The following CNOT6 variants were observed in gnomAD, a reference collection of about 807,000 sequenced individuals.
The protein encoded by CNOT6 is CCR4-NOT transcription complex subunit 6.
In CNOT6, 12 loss-of-function variants were observed where a neutral mutation model predicts 61.2. The ratio of observed to expected loss-of-function variants is 0.20; its 90% CI spans 0.13 to 0.32. The LOEUF is 0.32. CNOT6 is among the 10% of genes least tolerant of loss of function. The probability of loss-of-function intolerance (pLI) is 1.00; values close to 1 mark genes in which losing one functional copy is unlikely to be tolerated. For missense variants in CNOT6, 405 were observed against 663.9 expected (o/e 0.61, Z 4.28); for synonymous variants, 225 against 240.6 (o/e 0.94, Z 0.60).
chr5:180,547,097 G>C lies in CNOT6; in HGVS notation c.113-2834G>C, dbSNP rs149815204. ...ACTATTTCATGTCATTGTTCAGAAA[G>C]TTGCAGGTTTTGGAGCATTTTGGAT... is the stretch of plus-strand genomic sequence containing the variant. On this transcript the variant is annotated intron_variant, in intron 2 of 11. Coordinates refer to ENST00000261951, the MANE Select transcript of CNOT6 (RefSeq NM_001370472.1). Among the ~76,000 whole-genome samples the C allele has an allele frequency of 5.4e-3, 822 of 152,306 alleles. 11 individuals carry two copies. The highest frequency in any genetic ancestry group is 0.019 in the African/African-American group (782 of 41,576).
chr5:180,545,196 A>G (rs1376569777), intron 2 of CNOT6, among the ~76,000 whole-genome samples: 2 of 152,200 alleles, frequency 1.3e-5, no homozygotes, highest in East Asian at 1.9e-4. Context: ...TGGCGTGTAT[A>G]AAGTGAATAA....
At chr5:180,518,121 T>C (rs1757729705) in intron 1 of CNOT6, among the ~76,000 whole-genome samples, 1 of 152,242 alleles carries the variant, frequency 6.6e-6, no homozygotes, top group Non-Finnish European at 1.5e-5. Flanking sequence ...GGCTTGATTT[T>C]TTGAGGTTCT....
chr5:180,561,448 CTTGG>C (rs1000261807), intron 4 of CNOT6, among the ~76,000 whole-genome samples: 1 of 148,324 alleles, frequency 6.7e-6, no homozygotes, highest in African/African-American at 2.5e-5. Flanking sequence ...ATTCCTTTGT[CTTGG>C]TTGGGTAATT....
intron 1 of CNOT6, among the ~76,000 whole-genome samples, chr5:180,503,273 T>C (rs1756964494): frequency 6.6e-6 from 1 of 151,474 alleles, no homozygotes; most frequent in South Asian, 2.1e-4. Flanking sequence ...TTTTTTTTTT[T>C]TTTTTTGAGA....
intron 4 of CNOT6, among the ~76,000 whole-genome samples, chr5:180,557,482 C>A (rs1266581524): frequency 1.3e-5 from 2 of 152,134 alleles, no homozygotes; most frequent in Non-Finnish European, 2.9e-5. Context: ...ATAAAGATAC[C>A]CAACATCTTT....
intron 11 of CNOT6, among the ~76,000 whole-genome samples, chr5:180,573,595 GTGTGTGTCCGTC>G (rs1760869119): frequency 5.6e-5 from 1 of 17,992 alleles, no homozygotes; most frequent in African/African-American, 1.4e-4. Context: ...GTGTGTGTGT[GTGTGTGTCCGTC>G]CGTCCGTCCG....
intron 1 of CNOT6, among the ~76,000 whole-genome samples, chr5:180,508,821 A>T (rs1371081025): frequency 4.0e-5 from 5 of 125,450 alleles, no homozygotes; most frequent in Non-Finnish European, 7.0e-5. Flanking sequence ...AATTAATTTT[A>T]TTATTATTAT....
At chr5:180,539,068 G>A (rs1205013719) in intron 2 of CNOT6, among the ~76,000 whole-genome samples, 2 of 149,824 alleles carry the variant, frequency 1.3e-5, no homozygotes, top group East Asian at 2.0e-4. Flanking sequence ...CCTGCTGCTC[G>A]GGAGGCTGAG....
chr5:180,541,666 A>G (rs1337267296), intron 2 of CNOT6, among the ~76,000 whole-genome samples: 1 of 142,206 alleles, frequency 7.0e-6, no homozygotes, highest in African/African-American at 2.6e-5. Flanking sequence ...GTTAGCCAGG[A>G]TGGTCTCGAT....
intron 3 of CNOT6, among the ~76,000 whole-genome samples, chr5:180,551,040 G>A (rs1465910201): frequency 6.6e-6 from 1 of 152,126 alleles, no homozygotes; most frequent in African/African-American, 2.4e-5. Flanking sequence ...CATATACTGT[G>A]TTTTAAGAAA....
intron 4 of CNOT6, among the ~76,000 whole-genome samples, chr5:180,560,919 TTGGTGG>T (rs528330419): frequency 1.3e-5 from 2 of 150,622 alleles, no homozygotes; most frequent in African/African-American, 4.9e-5. Context: ...TTTGTTGTTG[TTGGTGG>T]TGGTGGTGGT....
chr5:180,567,365 A>G (rs1367925104), intron 8 of CNOT6, 123 bp downstream of exon 8: 2 of 834,246 alleles, frequency 2.4e-6, no homozygotes, highest in African/African-American at 1.7e-5. Context: ...AGCAAAGAAT[A>G]CTGTTTGACC....
At chr5:180,543,077 G>T (rs1363404687) in intron 2 of CNOT6, among the ~76,000 whole-genome samples, 1 of 151,306 alleles carries the variant, frequency 6.6e-6, no homozygotes, top group Admixed American at 6.6e-5. Context: ...ATTTATTTTT[G>T]AGACGGAGTC....
chr5:180,495,291 T>A (rs1756555274), intron 1 of CNOT6: 1 of 152,258 alleles, frequency 6.6e-6, no homozygotes, highest in Admixed American at 6.5e-5. Context: ...GGATTACAGG[T>A]TAAAGAAGCA....
intron 1 of CNOT6, among the ~76,000 whole-genome samples, chr5:180,519,424 C>A (rs771272588): frequency 6.6e-6 from 1 of 152,140 alleles, no homozygotes; most frequent in Non-Finnish European, 1.5e-5. Context: ...ATAATGAGTA[C>A]TTATTTAGCA....
intron 1 of CNOT6, among the ~76,000 whole-genome samples, chr5:180,501,216 C>T (rs1756854463): frequency 6.6e-6 from 1 of 152,066 alleles, no homozygotes; most frequent in African/African-American, 2.4e-5. Flanking sequence ...AGTTAGAGTT[C>T]ATTTACGTCC....
chr5:180,573,881 T>TTGTTC (rs75547514), intron 11 of CNOT6, 107 bp from the exon 12 acceptor site: 4 of 756,130 alleles, frequency 5.3e-6, no homozygotes, highest in Non-Finnish European at 9.1e-6. Flanking sequence ...TAAGTTTCAC[T>TTGTTC]TGTTCTGTTC....
At chr5:180,552,428 T>G (rs1205434284) in intron 3 of CNOT6, among the ~76,000 whole-genome samples, 1 of 151,368 alleles carries the variant, frequency 6.6e-6, no homozygotes, top group African/African-American at 2.4e-5. Flanking sequence ...GATCACAAAG[T>G]CTGGAGATCG....
chr5:180,562,473 G>A (rs910096104), intron 4 of CNOT6, among the ~76,000 whole-genome samples: 2 of 152,136 alleles, frequency 1.3e-5, no homozygotes, highest in Non-Finnish European at 2.9e-5. Context: ...GGGCGCGGTG[G>A]CTCACACCTG....
Sources: gnomAD v4.1 joint callset for allele counts (sites outside exome capture counted in the v4.1 genomes callset) on GRCh38, gnomAD v4.1.1 for gene constraint, MANE v1.5 for transcripts, NCBI Gene and HGNC (gene_info 2026-07-23, HGNC 2026-07-21) for gene names.